CDH9: variants seen among roughly 807,000 people sequenced by gnomAD.
CDH9 encodes the protein cadherin-9.
Under a neutral mutation model 70.9 loss-of-function variants are expected in CDH9, and 28 were observed. The ratio of observed to expected loss-of-function variants is 0.40; its 90% confidence interval spans 0.29 to 0.54. The LOEUF (loss-of-function observed/expected upper bound fraction) is 0.54. Ranked by LOEUF, CDH9 falls within the 20% of genes least tolerant of loss-of-function variation. The pLI is 0.59. For missense variants in CDH9, 874 were observed against 984.4 expected (o/e 0.89, Z 1.50); for synonymous variants, 409 against 343.1 (o/e 1.19, Z -2.12).
At chr5:27,027,036 A>G (rs1053931290) in intron 1 of CDH9, among the ~76,000 whole-genome samples, 3 of 151,972 alleles carry the variant, frequency 2.0e-5, no homozygotes, top group Admixed American at 1.3e-4. Context: ...CCAAACTCAA[A>G]TACTTGGCAT....
At chr5:26,984,459 G>C (rs915567583) in intron 2 of CDH9, among the ~76,000 whole-genome samples, 9 of 152,010 alleles carry the variant, frequency 5.9e-5, no homozygotes, top group Middle Eastern at 6.8e-3. Flanking sequence ...AAATAAATGT[G>C]GTTTAACAAC....
intron 2 of CDH9, among the ~76,000 whole-genome samples, chr5:26,959,480 T>C (rs1490451695): frequency 1.3e-5 from 2 of 152,106 alleles, no homozygotes; most frequent in Non-Finnish European, 2.9e-5. Context: ...AATTATTATA[T>C]GACTCAGCAA....
chr5:27,024,850 C>T (rs1429450750), intron 1 of CDH9, among the ~76,000 whole-genome samples: 1 of 151,848 alleles, frequency 6.6e-6, no homozygotes, highest in Non-Finnish European at 1.5e-5. Context: ...AAACATAGGG[C>T]TAGTAGTTTG....
intron 2 of CDH9, among the ~76,000 whole-genome samples, chr5:26,986,123 T>A (rs948044896): frequency 2.6e-5 from 4 of 152,096 alleles, no homozygotes; most frequent in African/African-American, 4.8e-5. Flanking sequence ...TTTGCTGAGG[T>A]GTCTATTTCA....
intron 2 of CDH9, among the ~76,000 whole-genome samples, chr5:26,933,509 G>C (rs575684054): frequency 6.6e-6 from 1 of 152,160 alleles, no homozygotes; most frequent in South Asian, 2.1e-4. Context: ...GGGTGCACTG[G>C]CTCACGCCTG....
At chr5:26,982,352 T>C (rs1413227236) in intron 2 of CDH9, among the ~76,000 whole-genome samples, 1 of 152,086 alleles carries the variant, frequency 6.6e-6, no homozygotes, top group Non-Finnish European at 1.5e-5. Context: ...AACCCTCCAA[T>C]ATAATGGAAA....
chr5:26,903,084 T>C, intron 6 of CDH9: 1 of 196,608 alleles, frequency 5.1e-6, no homozygotes, highest in South Asian at 1.0e-4. Context: ...AAAATAGAAG[T>C]ATAGAATAAA....
intron 2 of CDH9, among the ~76,000 whole-genome samples, chr5:26,943,869 CAA>C (rs1741703127): frequency 6.6e-6 from 1 of 152,144 alleles, no homozygotes; most frequent in African/African-American, 2.4e-5. Context: ...ATAATGTTTG[CAA>C]AGTCTTAGCT....
Position 26,883,828 on chromosome 5 carries a change from T to G in CDH9, c.1882+1786A>C, listed in dbSNP as rs533490141. On this transcript the variant is annotated intron_variant, in intron 11 of 11. Coordinates refer to ENST00000231021, the MANE Select transcript of CDH9 (RefSeq NM_016279.4). ...AAGTTTAAAAAGCCCTGCCCTAGAT[T>G]TTAATCTTCCATCTTGCCTTATAAA... 3.3e-5 allele frequency among the ~76,000 whole-genome samples: 5 copies of G among 152,206 alleles called. No individual in the cohort carries two copies. In the South Asian group the frequency reaches 1.0e-3, roughly 32 times the overall value.
intron 1 of CDH9, among the ~76,000 whole-genome samples, chr5:27,017,442 G>T (rs547971897): frequency 2.0e-5 from 3 of 151,538 alleles, no homozygotes; most frequent in African/African-American, 7.3e-5. Context: ...ATTTTTTTTG[G>T]GGGGGCAAGC....
intron 2 of CDH9, 53 bp from the exon 3 acceptor site, chr5:26,915,977 T>A (rs184799058): frequency 5.3e-5 from 67 of 1,253,016 alleles, no homozygotes; most frequent in Non-Finnish European, 2.0e-5. Flanking sequence ...TATCATTACA[T>A]AAAACATAAT....
At chr5:26,982,807 C>T (rs1466835703) in intron 2 of CDH9, among the ~76,000 whole-genome samples, 3 of 151,816 alleles carry the variant, frequency 2.0e-5, no homozygotes, top group South Asian at 2.1e-4. Context: ...CTCAGCCTCC[C>T]GAGTAGCTAG....
chr5:26,885,693 G>C lies in CDH9; in HGVS notation c.1803C>G (p.Thr601=), dbSNP rs934703578. Residue 601 remains threonine (T), a synonymous_variant, in exon 11 of 12, where the codon ACC becomes ACG. Coordinates refer to ENST00000231021, the MANE Select transcript of CDH9 (RefSeq NM_016279.4). ...CDNQGNMQSC[T]AEALILSAGL... is the part of the protein sequence containing the mutation. ...CGGCTGAAAGGATCAGGGCTTCTGC[G>C]GTGCAGGATTGCATGTTTCCTTGAT... 1 of 1,613,350 alleles carries C rather than the reference G, an allele frequency of 6.2e-7. No homozygotes were observed. Among genetic ancestry groups the C allele is most frequent in the African/African-American group, 1.3e-5 (1 of 74,878 alleles).
At chr5:27,030,809 A>G (rs1009986304) in intron 1 of CDH9, among the ~76,000 whole-genome samples, 2 of 151,322 alleles carry the variant, frequency 1.3e-5, no homozygotes, top group African/African-American at 2.4e-5. Context: ...GCAAATACAT[A>G]TAACACTCAG....
At chr5:26,979,485 A>G (rs981116329) in intron 2 of CDH9, among the ~76,000 whole-genome samples, 2 of 151,896 alleles carry the variant, frequency 1.3e-5, no homozygotes, top group African/African-American at 2.4e-5. Flanking sequence ...ATAAAGAACA[A>G]CTGGGGGGAA....
rs569663385 is a variant in CDH9 at position 26,881,029 on chromosome 5, G to A, written c.*107C>T. ...ACTTGACAACATCTACGTATTGTTT[G>A]TAACTTCAATTTTTGAAAGATTTCC... On this transcript the variant is annotated 3_prime_UTR_variant, in exon 12 of 12. Transcript: ENST00000231021. 1.0e-5 allele frequency: 11 copies of A among 1,050,848 alleles called. No individual in the cohort carries two copies. In the Admixed American group the frequency reaches 1.7e-4, roughly 16 times the overall value. 65.1% of individuals were successfully genotyped at this position (1,050,848 alleles called of 1,614,324 possible). A position where few individuals can be genotyped will look rare whatever the true frequency, so the allele number is the denominator to read the frequency against.
intron 2 of CDH9, among the ~76,000 whole-genome samples, chr5:26,985,903 A>G (rs1008155970): frequency 1.3e-5 from 2 of 152,220 alleles, no homozygotes; most frequent in African/African-American, 2.4e-5. Context: ...GTTAGCCACT[A>G]TATATGCAAA....
At chr5:26,929,151 CTAAG>C (rs1376093618) in intron 2 of CDH9, among the ~76,000 whole-genome samples, 1 of 151,852 alleles carries the variant, frequency 6.6e-6, no homozygotes, top group Non-Finnish European at 1.5e-5. Flanking sequence ...GAAAGAAAAT[CTAAG>C]TATTCGATTT....
chr5:26,983,826 A>G (rs976359503), intron 2 of CDH9, among the ~76,000 whole-genome samples: 1 of 152,160 alleles, frequency 6.6e-6, no homozygotes, highest in African/African-American at 2.4e-5. Context: ...TTTCTAATTT[A>G]TATTCCATCA....
Sources: gnomAD v4.1 joint callset for allele counts (sites outside exome capture counted in the v4.1 genomes callset) on GRCh38, gnomAD v4.1.1 for gene constraint, MANE v1.5 for transcripts, NCBI Gene and HGNC (gene_info 2026-07-23, HGNC 2026-07-21) for gene names.